MICAL3: variants seen among roughly 807,000 people sequenced by gnomAD.
The protein encoded by MICAL3 is microtubule associated monooxygenase, calponin and LIM domain containing 3.
A neutral mutation model predicts 207.4 loss-of-function variants in MICAL3; 62 were observed. The observed-to-expected ratio is 0.30, with a 90% CI of 0.24 to 0.37. The LOEUF is 0.37. Ranked by LOEUF, MICAL3 falls within the 10% of genes least tolerant of loss-of-function variation. The probability of loss-of-function intolerance (pLI) is 1.00; values close to 1 mark genes in which losing one functional copy is unlikely to be tolerated. For synonymous variants in MICAL3, 1,077 were observed against 1,069.3 expected (o/e 1.01, Z -0.14); for missense variants, 2,368 against 2,635.6 (o/e 0.90, Z 2.22).
rs1924678417 is a variant in MICAL3, at chr22:18,024,497, G to C, written c.-291C>G. The C allele has an allele frequency of 6.6e-6, 1 of 151,972 alleles. No homozygotes were observed. Among genetic ancestry groups the C allele is most frequent in the Non-Finnish European group, 1.5e-5 (1 of 67,982 alleles). The allele number at this position is 151,972 out of a possible 1,614,324, so 9.4% of individuals were successfully genotyped here. A position where few individuals can be genotyped will look rare whatever the true frequency, so the allele number is the denominator to read the frequency against. ...CGCGGCGAGGACGGAGGGCTGCCCC[G>C]GGTGCCTGCCTACGCGGGCGCTCCC... On this transcript the variant is annotated 5_prime_UTR_variant, in exon 1 of 32. Coordinates refer to ENST00000441493, the MANE Select transcript of MICAL3 (RefSeq NM_015241.3).
chr22:17,950,956 AATCCCACTGTCAGCCCCACCCTG>A lies in MICAL3; in HGVS notation c.-74-44093_-74-44071del, dbSNP rs1424061933. 1.2e-4 allele frequency among the ~76,000 whole-genome samples: 19 copies of A among 152,192 alleles called. No individual in the cohort carries two copies. The East Asian group carries it at 2.1e-3, about 17-fold the overall frequency. ...CCATCCCATAAAGAACAGGAAAGGA[AATCCCACTGTCAGCCCCACCCTG>A]ATCCCACTGTCAGCCCCACCCTGGG... On this transcript the variant is annotated intron_variant, in intron 1 of 31. Coordinates refer to ENST00000441493, the MANE Select transcript of MICAL3 (RefSeq NM_015241.3).
intron 1 of MICAL3, among the ~76,000 whole-genome samples, chr22:17,920,429 C>G (rs139867634): frequency 3.9e-5 from 6 of 152,332 alleles, no homozygotes; most frequent in African/African-American, 1.2e-4. Context: ...GTCTCCAACA[C>G]TCCACTGAGG....
intron 16 of MICAL3, among the ~76,000 whole-genome samples, chr22:17,878,074 C>G (rs1929051137): frequency 6.6e-6 from 1 of 152,066 alleles, no homozygotes; most frequent in African/African-American, 2.4e-5. Context: ...AGGATGGTCT[C>G]GATCTCCTGA....
intron 11 of MICAL3, among the ~76,000 whole-genome samples, chr22:17,893,008 C>T (rs1273993127): frequency 6.6e-6 from 1 of 152,216 alleles, no homozygotes; most frequent in Non-Finnish European, 1.5e-5. Flanking sequence ...CTCATGATCA[C>T]AATGTGAGGT....
intron 1 of MICAL3, among the ~76,000 whole-genome samples, chr22:17,953,117 C>T (rs540440337): frequency 6.6e-5 from 10 of 152,270 alleles, no homozygotes; most frequent in East Asian, 1.9e-4. Flanking sequence ...CAGTTTGCAG[C>T]GGGAAGCACT....
intron 25 of MICAL3, among the ~76,000 whole-genome samples, chr22:17,820,912 A>G (rs9605412): frequency 0.092 from 7,428 of 80,486 alleles, 164 homozygotes; most frequent in Non-Finnish European, 0.13. Flanking sequence ...ATAAATTTAT[A>G]TTTATAAACA....
At chr22:17,971,672 G>C (rs1935418059) in intron 1 of MICAL3, among the ~76,000 whole-genome samples, 1 of 152,202 alleles carries the variant, frequency 6.6e-6, no homozygotes, top group African/African-American at 2.4e-5. Context: ...AAGGACAGTG[G>C]TGGACACAGC....
At chr22:17,851,099 A>G (rs1925277744) in intron 19 of MICAL3, among the ~76,000 whole-genome samples, 1 of 152,134 alleles carries the variant, frequency 6.6e-6, no homozygotes, top group Non-Finnish European at 1.5e-5. Flanking sequence ...TTACCTGCCC[A>G]CCTGGATGTA....
At chr22:17,801,885 C>T (rs558167059) in intron 29 of MICAL3, among the ~76,000 whole-genome samples, 2 of 151,892 alleles carry the variant, frequency 1.3e-5, no homozygotes, top group South Asian at 4.2e-4. Flanking sequence ...CAGAGCGAGA[C>T]TCCATCTCAA....
At chr22:18,007,389 G>A (rs899506110) in intron 1 of MICAL3, 1 of 151,760 alleles carries the variant, frequency 6.6e-6, no homozygotes, top group Non-Finnish European at 1.5e-5. Context: ...TAATAGGCTA[G>A]GAATTTTCCT....
At chr22:17,931,941 A>C (rs1490805408) in intron 1 of MICAL3, among the ~76,000 whole-genome samples, 2 of 152,212 alleles carry the variant, frequency 1.3e-5, no homozygotes, top group African/African-American at 2.4e-5. Context: ...TTAAACTTAC[A>C]GTGGTGAATG....
intron 19 of MICAL3, among the ~76,000 whole-genome samples, chr22:17,857,632 AATAGAG>A (rs1387034362): frequency 1.3e-5 from 2 of 152,236 alleles, no homozygotes; most frequent in African/African-American, 2.4e-5. Flanking sequence ...TACAGAAAGA[AATAGAG>A]ATAAAGAAAA....
chr22:17,971,346 T>C (rs1237235928), intron 1 of MICAL3, among the ~76,000 whole-genome samples: 3 of 151,912 alleles, frequency 2.0e-5, no homozygotes, highest in Non-Finnish European at 4.4e-5. Flanking sequence ...TGTGTGTCTG[T>C]AATCCCAGCT....
At chr22:17,890,691 A>G (rs958458573) in intron 12 of MICAL3, among the ~76,000 whole-genome samples, 8 of 152,238 alleles carry the variant, frequency 5.3e-5, no homozygotes, top group Non-Finnish European at 1.0e-4. Flanking sequence ...GGATTCCTTA[A>G]GCAATCATTA....
At position 17,932,232 on chromosome 22, in the gene MICAL3, G is replaced by A. The variant is rs188538251; in HGVS notation, c.-74-25346C>T. 5.9e-5 allele frequency among the ~76,000 whole-genome samples: 9 copies of A among 152,278 alleles called. No homozygotes were observed. The East Asian group carries it at 1.4e-3, about 23-fold the overall frequency. On this transcript the variant is annotated intron_variant, in intron 1 of 31. Transcript: ENST00000441493. ...AGTGTTAAGGGCAGCCAGAGAGAAA[G>A]GTCGAGTTACCCACAAAGGGAAGGC...
intron 29 of MICAL3, among the ~76,000 whole-genome samples, chr22:17,808,008 CA>C (rs2062005353): frequency 1.3e-5 from 2 of 152,386 alleles, no homozygotes; most frequent in South Asian, 4.1e-4. Context: ...TTTGAGAAGG[CA>C]GAGTGGCCAC....
At chr22:18,011,012 T>C (rs1923685302) in intron 1 of MICAL3, among the ~76,000 whole-genome samples, 1 of 150,740 alleles carries the variant, frequency 6.6e-6, no homozygotes, top group South Asian at 2.1e-4. Context: ...CATATCTCTT[T>C]GAGACTGAAT....
chr22:17,958,056 T>C (rs920857919), intron 1 of MICAL3, among the ~76,000 whole-genome samples: 6 of 152,202 alleles, frequency 3.9e-5, no homozygotes, highest in African/African-American at 1.4e-4. Context: ...CCCAATGAGT[T>C]GGCATAACAC....
intron 25 of MICAL3, among the ~76,000 whole-genome samples, chr22:17,819,397 T>G (rs1921298373): frequency 6.6e-6 from 1 of 152,150 alleles, no homozygotes; most frequent in Non-Finnish European, 1.5e-5. Context: ...TCCTATATTC[T>G]TTGTCCACTC....
Sources: gnomAD v4.1 joint callset for allele counts (sites outside exome capture counted in the v4.1 genomes callset) on GRCh38, gnomAD v4.1.1 for gene constraint, MANE v1.5 for transcripts, NCBI Gene and HGNC (gene_info 2026-07-23, HGNC 2026-07-21) for gene names.